CLIP1: variants seen among roughly 807,000 people sequenced by gnomAD.
CLIP1 encodes CAP-Gly domain-containing linker protein 1.
CLIP1 carries 66 observed loss-of-function variants against 161.6 expected under a neutral mutation model. The ratio of observed to expected loss-of-function variants is 0.41; its 90% CI spans 0.33 to 0.50. The LOEUF is 0.50. Among genes scored for constraint, CLIP1 ranks in the 20% least tolerant of loss-of-function variants. The probability of loss-of-function intolerance (pLI) is 0.27; values close to 1 mark genes in which losing one functional copy is unlikely to be tolerated. For synonymous variants in CLIP1, 598 were observed against 626.2 expected, an observed-to-expected ratio of 0.96 and a Z score of 0.67; for missense variants, 1,376 against 1,702.0, an observed-to-expected ratio of 0.81 and a Z score of 3.37.
At position 122,370,069 on chromosome 12, in the gene CLIP1, G is replaced by A. The variant is rs12366339; in HGVS notation, c.658-5962C>T. 7.4e-3 allele frequency among the ~76,000 whole-genome samples: 1,122 copies of A among 151,750 alleles called. 6 individuals are homozygous for A. Among genetic ancestry groups the A allele is most frequent in the Non-Finnish European group, 0.011 (732 of 67,938 alleles). ...TCCCAGCTACTCAGGAGGCTGGGGC[G>A]CGACAATTGCTTGAGCCCTGTAGGC... On this transcript the variant is annotated intron_variant, in intron 3 of 25. Coordinates refer to ENST00000620786, the MANE Select transcript of CLIP1 (RefSeq NM_001247997.2).
intron 6 of CLIP1, chr12:122,354,773 C>CT: frequency 1.7e-6 from 1 of 577,104 alleles, no homozygotes. Flanking sequence ...CACCTCTCAT[C>CT]TTTTTTGAAG....
intron 1 of CLIP1, among the ~76,000 whole-genome samples, chr12:122,412,424 G>A (rs1294762743): frequency 6.6e-6 from 1 of 151,726 alleles, no homozygotes; most frequent in Non-Finnish European, 1.5e-5. Flanking sequence ...GAAGGCTGAG[G>A]TGGGCGGATT....
intron 20 of CLIP1, among the ~76,000 whole-genome samples, chr12:122,305,129 C>A (rs984007412): frequency 6.6e-6 from 1 of 152,226 alleles, no homozygotes. Context: ...AGAATCAGCT[C>A]TGTTCCCATA....
chr12:122,276,413 C>T (rs970989239), intron 24 of CLIP1: 45 of 1,288,738 alleles, frequency 3.5e-5, no homozygotes, highest in Admixed American at 6.9e-5. Context: ...CACGTGTGCA[C>T]GCAAATTAGG....
intron 3 of CLIP1, among the ~76,000 whole-genome samples, chr12:122,376,941 C>T (rs921730144): frequency 6.6e-6 from 1 of 151,838 alleles, no homozygotes; most frequent in African/African-American, 2.4e-5. Flanking sequence ...ATTAATTTCT[C>T]TATAAAAGAG....
intron 23 of CLIP1, 72 bp from the exon 24 acceptor site, chr12:122,278,275 ACTG>A: frequency 7.2e-7 from 1 of 1,380,260 alleles, no homozygotes; most frequent in Non-Finnish European, 1.0e-6. Flanking sequence ...CACAATCTAA[ACTG>A]CAGTGAAAGG....
chr12:122,351,167 AT>A, intron 8 of CLIP1, 24 bp from the exon 9 acceptor site: 1 of 1,408,100 alleles, frequency 7.1e-7, no homozygotes, highest in Non-Finnish European at 9.4e-7. Context: ...AATAAAAAAA[AT>A]TAAACAACAA....
chr12:122,309,922 A>G, intron 19 of CLIP1, 40 bp from the exon 20 acceptor site: 1 of 1,609,854 alleles, frequency 6.2e-7, no homozygotes, highest in South Asian at 1.1e-5. Flanking sequence ...TAGAAACAAG[A>G]CAGGCAAGGA....
Position 122,354,434 on chromosome 12 carries a change from G to C in CLIP1, c.1307+19C>G. 1.2e-6 allele frequency: 2 copies of C among 1,601,618 alleles called. No individual in the cohort carries two copies. Among genetic ancestry groups the C allele is most frequent in the Admixed American group, 3.3e-5 (2 of 59,902 alleles). ...AGGGGGAAAGGCCACACTTGCACCA[G>C]GAAACAGTCTGGGGTCACCTTTTCT... On this transcript the variant is annotated intron_variant, in intron 7 of 25. Coordinates refer to ENST00000620786, the MANE Select transcript of CLIP1 (RefSeq NM_001247997.2).
chr12:122,311,252 G>A lies in CLIP1; in HGVS notation c.3474-1370C>T, dbSNP rs1313065641. On this transcript the variant is annotated intron_variant, in intron 19 of 25. Transcript: ENST00000620786. The surrounding 1 kb of genome is among the most constrained non-coding windows in gnomAD (Gnocchi z 4.3). ...TCCCAGGTGGTCACTGCCTTCATGA[G>A]TGGCTACATGGTGTCTGCATGTGTG... Among the ~76,000 whole-genome samples the A allele has an allele frequency of 6.6e-6, 1 of 151,932 alleles. No individual in the cohort carries two copies. The highest frequency in any genetic ancestry group is 1.5e-5 in the Non-Finnish European group (1 of 68,014).
At chr12:122,378,600 T>C (rs1408011724) in intron 2 of CLIP1, among the ~76,000 whole-genome samples, 1 of 152,216 alleles carries the variant, frequency 6.6e-6, no homozygotes, top group Non-Finnish European at 1.5e-5. Flanking sequence ...TCTGATTTCA[T>C]TATTTGCTAC....
chr12:122,316,969 CA>C (rs990581077), intron 18 of CLIP1, 114 bp from the exon 19 acceptor site: 38,619 of 446,614 alleles, frequency 0.086, no homozygotes, highest in South Asian at 0.13. Context: ...TAGTCACTCG[CA>C]AAAAAAAAAA....
At chr12:122,419,405 G>A (rs1203730074) in intron 1 of CLIP1, among the ~76,000 whole-genome samples, 13 of 151,476 alleles carry the variant, frequency 8.6e-5, no homozygotes, top group African/African-American at 2.9e-4. Flanking sequence ...AATAAGAAAC[G>A]TTTACTGAGT....
chr12:122,277,588 C>CT (rs1955482063), intron 24 of CLIP1: 1 of 152,022 alleles, frequency 6.6e-6, no homozygotes, highest in South Asian at 2.1e-4. Flanking sequence ...GTAACAAACC[C>CT]TTTGACAGAG....
chr12:122,299,331 A>G (rs139880209), intron 20 of CLIP1, among the ~76,000 whole-genome samples: 9 of 152,230 alleles, frequency 5.9e-5, no homozygotes, highest in East Asian at 5.8e-4. Flanking sequence ...AGAGAAGTCT[A>G]GAGGAAGGTC....
chr12:122,288,457 C>T (rs1360375891), intron 21 of CLIP1, 32 bp downstream of exon 21: 3 of 1,572,214 alleles, frequency 1.9e-6, no homozygotes, highest in Admixed American at 1.7e-5. Flanking sequence ...TTATTAAACA[C>T]ACACACATAC....
intron 20 of CLIP1, among the ~76,000 whole-genome samples, chr12:122,293,119 T>C (rs1950323964): frequency 6.6e-6 from 1 of 152,070 alleles, no homozygotes; most frequent in Non-Finnish European, 1.5e-5. Flanking sequence ...GTAAGAACTT[T>C]CATAATGCAA....
At position 122,328,250 on chromosome 12, in the gene CLIP1, T is replaced by C. The variant is rs1172692595; in HGVS notation, c.3033+11A>G. 6.2e-7 allele frequency: 1 copy of C among 1,613,696 alleles called. No individual in the cohort carries two copies. The highest frequency in any genetic ancestry group is 8.5e-7 in the Non-Finnish European group (1 of 1,179,872). ...CTTGCCAGCCAACAGGCCCACTGAG[T>C]ATCTCCTTACCAGGTCCGACAATTT... On this transcript the variant is annotated intron_variant, in intron 16 of 25. Coordinates refer to ENST00000620786, the MANE Select transcript of CLIP1 (RefSeq NM_001247997.2).
chr12:122,422,809 C>T (rs1354878292), upstream of CLIP1, among the ~76,000 whole-genome samples: 2 of 148,398 alleles, frequency 1.3e-5, no homozygotes, highest in Non-Finnish European at 3.0e-5. Context: ...GCCTCTTTGT[C>T]TGCGCCCACC....
Sources: allele counts gnomAD v4.1 joint callset (sites outside exome capture counted in the v4.1 genomes callset), GRCh38; gene constraint gnomAD v4.1.1; non-coding constraint Gnocchi (gnomAD v3.1); transcripts MANE v1.5; gene names NCBI Gene and HGNC (gene_info 2026-07-23, HGNC 2026-07-21).